MERTK: variants seen among roughly 807,000 people sequenced by gnomAD.
MERTK encodes the protein tyrosine-protein kinase Mer.
Under a neutral mutation model 99.3 loss-of-function variants are expected in MERTK, and 69 were observed. That is an observed-to-expected ratio of 0.70 (90% confidence interval 0.57 to 0.85). MERTK has a LOEUF of 0.85. Among genes scored for constraint, MERTK ranks in the 40% least tolerant of loss-of-function variants. MERTK has a pLI of 0.00. For synonymous variants in MERTK, 426 were observed against 467.6 expected, an observed-to-expected ratio of 0.91 and a Z score of 1.15; for missense variants, 1,125 against 1,249.4, an observed-to-expected ratio of 0.90 and a Z score of 1.50.
chr2:111,997,507 C>T (rs1360906273), intron 10 of MERTK, 31 bp downstream of exon 10: 17 of 1,609,202 alleles, frequency 1.1e-5, no homozygotes, highest in Non-Finnish European at 1.3e-5. Context: ...TGTTTGCCCA[C>T]TGGTATTGAC....
At chr2:112,017,691 G>A (rs1677246869) in intron 15 of MERTK, among the ~76,000 whole-genome samples, 1 of 151,998 alleles carries the variant, frequency 6.6e-6, no homozygotes, top group African/African-American at 2.4e-5. Flanking sequence ...GGTAGGAGGA[G>A]TACAGTGGAA....
intron 8 of MERTK, among the ~76,000 whole-genome samples, 192 bp downstream of exon 8, chr2:111,983,185 C>T (rs1216488893): frequency 6.6e-6 from 1 of 152,170 alleles, no homozygotes; most frequent in African/African-American, 2.4e-5. Context: ...TCTAAGGTAT[C>T]TTTTGGGACT....
chr2:111,919,228 C>T (rs1257407071), intron 1 of MERTK, among the ~76,000 whole-genome samples: 2 of 152,284 alleles, frequency 1.3e-5, no homozygotes, highest in African/African-American at 4.8e-5. Flanking sequence ...TCCATCCAGG[C>T]CATTCAGTGC....
Position 111,983,010 on chromosome 2 carries a change from G to T in MERTK, c.1296+17G>T, listed in dbSNP as rs775906559. ...GGGATTTCCGTAAGTCTAAACCCTA[G>T]AAGAGCACGATTAGTCATCTCCTTT... On this transcript the variant is annotated intron_variant, in intron 8 of 18. Coordinates refer to ENST00000295408, the MANE Select transcript of MERTK (RefSeq NM_006343.3). 1.2e-6 allele frequency: 2 copies of T among 1,603,288 alleles called. No individual in the cohort carries two copies. The highest frequency in any genetic ancestry group is 1.7e-6 in the Non-Finnish European group (2 of 1,175,704).
rs1209611902 is a variant in MERTK at position 112,029,304 on chromosome 2, T to C, written c.*440T>C. On this transcript the variant is annotated 3_prime_UTR_variant, in exon 19 of 19. Transcript: ENST00000295408. ...TATTTGATAAGAATGATTCATTCAA[T>C]GTTTAAAGTTGTATAACTGATTAAT... The C allele has an allele frequency of 4.5e-5, 43 of 956,028 alleles. No individual in the cohort carries two copies. The highest frequency in any genetic ancestry group is 5.0e-5 in the Non-Finnish European group (40 of 800,354). 59.2% of individuals were successfully genotyped at this position (956,028 alleles called of 1,614,324 possible).
chr2:111,974,789 AAAAG>A (rs1166418829), intron 6 of MERTK, among the ~76,000 whole-genome samples: 15 of 140,918 alleles, frequency 1.1e-4, no homozygotes, highest in Non-Finnish European at 1.4e-4. Flanking sequence ...AAAAAAAAAA[AAAAG>A]AAAGAAAAGA....
At chr2:112,018,816 G>A (rs1232385353) in intron 15 of MERTK, among the ~76,000 whole-genome samples, 2 of 152,170 alleles carry the variant, frequency 1.3e-5, no homozygotes, top group Non-Finnish European at 2.9e-5. Flanking sequence ...CAGGGCCTAC[G>A]GGAGCAAAAT....
intron 18 of MERTK, among the ~76,000 whole-genome samples, chr2:112,027,974 G>A (rs1417055889): frequency 6.6e-6 from 1 of 152,202 alleles, no homozygotes; most frequent in Non-Finnish European, 1.5e-5. Flanking sequence ...TAGATAACGT[G>A]TAAACAAATA....
intron 2 of MERTK, among the ~76,000 whole-genome samples, chr2:111,944,529 A>T (rs1684925458): frequency 6.6e-6 from 1 of 152,196 alleles, no homozygotes; most frequent in Admixed American, 6.5e-5. Context: ...TGTTTTAAGG[A>T]ATTAGCTCAC....
chr2:111,956,144 C>T (rs955966934), intron 4 of MERTK, among the ~76,000 whole-genome samples: 2 of 152,036 alleles, frequency 1.3e-5, no homozygotes, highest in African/African-American at 4.8e-5. Flanking sequence ...GGTAAGAGCT[C>T]TAGCTTTGGC....
chr2:111,989,606 C>T (rs564817418), intron 8 of MERTK, among the ~76,000 whole-genome samples: 134 of 152,236 alleles, frequency 8.8e-4, no homozygotes, highest in South Asian at 3.9e-3. Context: ...CCACCCGCCT[C>T]GGCCTCCCAA....
intron 4 of MERTK, among the ~76,000 whole-genome samples, chr2:111,949,198 C>A (rs948477902): frequency 6.6e-6 from 1 of 152,046 alleles, no homozygotes; most frequent in Admixed American, 6.6e-5. Flanking sequence ...TCCTCCATTG[C>A]ACTTGTCACC....
intron 9 of MERTK, chr2:111,995,616 TG>T (rs1676719498): frequency 5.3e-6 from 1 of 188,276 alleles, no homozygotes; most frequent in Non-Finnish European, 1.1e-5. Flanking sequence ...TAACTGGTGA[TG>T]GGGAGGCAAG....
intron 18 of MERTK, chr2:112,022,712 A>G: frequency 2.0e-6 from 1 of 509,372 alleles, no homozygotes; most frequent in South Asian, 1.7e-5. Context: ...ATATCCACAG[A>G]TAATAGCTTC....
Position 112,003,112 on chromosome 2 carries a change from G to A in MERTK, c.1711G>A (p.Glu571Lys). ...TTCAGTACATAGCTTGGGAGTCAGT[G>A]AGGAACTACAAAATAAACTAGAAGA... ...ELTLHSLGVSEELQNKLEDVV... is the reference protein window; with the variant it reads ...ELTLHSLGVSKELQNKLEDVV... Residue 571 changes from glutamate to lysine, a missense_variant, in exon 12 of 19, where the codon GAG (glutamate) becomes AAG (lysine). Transcript: ENST00000295408. The A allele has an allele frequency of 1.3e-6, 2 of 1,584,930 alleles. No individual in the cohort carries two copies. Among genetic ancestry groups the A allele is most frequent in the South Asian group, 1.1e-5 (1 of 90,468 alleles).
At chr2:111,983,311 T>A (rs966675679) in intron 8 of MERTK, among the ~76,000 whole-genome samples, 1 of 152,162 alleles carries the variant, frequency 6.6e-6, no homozygotes. Context: ...TCTTATAGGA[T>A]GACAGTGTGG....
Position 111,994,504 on chromosome 2 carries a change from T to A in MERTK, c.1450+100T>A, listed in dbSNP as rs549491736. On this transcript the variant is annotated intron_variant, in intron 9 of 18. Transcript: ENST00000295408. ...GGGGGATGGATGGCTGATTAAAGAA[T>A]GAAAAATAAGGCTGGGCTTATCTCA... The A allele has an allele frequency of 1.0e-5, 16 of 1,527,130 alleles. No individual in the cohort carries two copies. In the Admixed American group the frequency reaches 1.8e-4, roughly 18 times the overall value. 94.6% of individuals were successfully genotyped at this position (1,527,130 alleles called of 1,614,324 possible). A position where few individuals can be genotyped will look rare whatever the true frequency, so the allele number is the denominator to read the frequency against.
Position 111,976,524 on chromosome 2 carries a change from G to C in MERTK, c.1144+1052G>C, listed in dbSNP as rs1432410506. 1.4e-4 allele frequency among the ~76,000 whole-genome samples: 3 copies of C among 21,874 alleles called. No individual in the cohort carries two copies. The East Asian group carries it at 1.8e-3, about 13-fold the overall frequency. The allele number at this position is 21,874 out of a possible 152,430, so 14.4% of individuals were successfully genotyped here. On this transcript the variant is annotated intron_variant, in intron 7 of 18. Coordinates refer to ENST00000295408, the MANE Select transcript of MERTK (RefSeq NM_006343.3). ...AAGCCAGAAATCATGACAAAAACCTGTGTGTGTGTGTGTGTGTGTGTGTGT... is the reference window on the plus strand; with the variant it reads ...AAGCCAGAAATCATGACAAAAACCTCTGTGTGTGTGTGTGTGTGTGTGTGT...
In MERTK at chr2:111,953,387, G is replaced by A. The variant is rs867835158; in HGVS notation, c.757+5820G>A. Among the ~76,000 whole-genome samples, 152 of 152,150 alleles carry A rather than the reference G, an allele frequency of 1.0e-3. 1 individual carries two copies. The highest frequency in any genetic ancestry group is 3.5e-3 in the African/African-American group (147 of 41,418). On this transcript the variant is annotated intron_variant, in intron 4 of 18. Coordinates refer to ENST00000295408, the MANE Select transcript of MERTK (RefSeq NM_006343.3). ...GAAGGGTTTGGAAAGTGGGGCTGCT[G>A]ACTTTATTTTTCTTAGTGACAGTAT...
Sources: allele counts gnomAD v4.1 joint callset (sites outside exome capture counted in the v4.1 genomes callset), GRCh38; gene constraint gnomAD v4.1.1; transcripts MANE v1.5; gene names NCBI Gene and HGNC (gene_info 2026-07-23, HGNC 2026-07-21).